The following SLC8A1 variants were observed in gnomAD, a reference collection of about 807,000 sequenced individuals.
SLC8A1 encodes solute carrier family 8 member A1.
In SLC8A1, 18 loss-of-function variants were observed where a neutral mutation model predicts 68.3. That is an observed-to-expected ratio of 0.26 (90% confidence interval 0.18 to 0.39). The LOEUF (loss-of-function observed/expected upper bound fraction) is 0.39, where lower values mean the gene tolerates loss of function less well. Ranked by LOEUF, SLC8A1 falls within the 10% of genes least tolerant of loss-of-function variation. The probability of loss-of-function intolerance (pLI) is 1.00; values close to 1 mark genes in which losing one functional copy is unlikely to be tolerated. For synonymous variants in SLC8A1, 475 were observed against 415.5 expected, an observed-to-expected ratio of 1.14 and a Z score of -1.74; for missense variants, 985 against 1,156.7, an observed-to-expected ratio of 0.85 and a Z score of 2.15.
At chr2:40,166,671 C>G (rs2046600651) in intron 4 of SLC8A1, among the ~76,000 whole-genome samples, 1 of 152,142 alleles carries the variant, frequency 6.6e-6, no homozygotes, top group Non-Finnish European at 1.5e-5. Context: ...TATGTCTAGT[C>G]AAGAGAGGTG....
At chr2:40,259,126 G>GGA (rs1384077559) in intron 2 of SLC8A1, among the ~76,000 whole-genome samples, 7 of 152,112 alleles carry the variant, frequency 4.6e-5, no homozygotes, top group African/African-American at 1.7e-4. Context: ...GTAGATTTCT[G>GGA]GATGGCTCAG....
chr2:40,276,817 C>A (rs890463435), intron 2 of SLC8A1, among the ~76,000 whole-genome samples: 6 of 152,194 alleles, frequency 3.9e-5, no homozygotes, highest in African/African-American at 1.4e-4. Flanking sequence ...CTATACTTGA[C>A]ATTATCCATG....
intron 2 of SLC8A1, among the ~76,000 whole-genome samples, chr2:40,195,310 T>C (rs889809762): frequency 6.6e-6 from 1 of 152,012 alleles, no homozygotes; most frequent in Non-Finnish European, 1.5e-5. Flanking sequence ...CTTTTGGAAC[T>C]GGAGAATAGT....
chr2:40,289,114 C>A (rs1025933103), intron 2 of SLC8A1, among the ~76,000 whole-genome samples: 1 of 149,784 alleles, frequency 6.7e-6, no homozygotes, highest in African/African-American at 2.5e-5. Flanking sequence ...TTTTTTCAGT[C>A]AAATGTATTA....
chr2:40,386,198 A>T (rs4452199), intron 2 of SLC8A1, among the ~76,000 whole-genome samples: 110,088 of 150,744 alleles, frequency 0.73, 41,690 homozygotes, highest in African/African-American at 0.93. Flanking sequence ...CTGTTAGGAA[A>T]TACGTGGAAA....
chr2:40,288,863 G>GA (rs2068780599), intron 2 of SLC8A1, among the ~76,000 whole-genome samples: 1 of 113,172 alleles, frequency 8.8e-6, no homozygotes, highest in Non-Finnish European at 1.6e-5. Context: ...GTATATATAT[G>GA]ATTTTTTTTT....
At chr2:40,239,626 G>C (rs545549449) in intron 2 of SLC8A1, among the ~76,000 whole-genome samples, 4 of 152,266 alleles carry the variant, frequency 2.6e-5, no homozygotes, top group South Asian at 4.1e-4. Context: ...TCTGCTGCCA[G>C]TTACAACTGG....
At chr2:40,362,186 C>T (rs970200154) in intron 2 of SLC8A1, among the ~76,000 whole-genome samples, 18 of 151,478 alleles carry the variant, frequency 1.2e-4, no homozygotes, top group African/African-American at 3.6e-4. Flanking sequence ...TGAGCCACTG[C>T]GCCTGGCCTA....
At chr2:40,253,129 GTA>G (rs1186277169) in intron 2 of SLC8A1, among the ~76,000 whole-genome samples, 1 of 106,210 alleles carries the variant, frequency 9.4e-6, no homozygotes, top group Non-Finnish European at 1.8e-5. Flanking sequence ...ATATATACAC[GTA>G]TATATGTATA....
At chr2:40,422,386 A>C (rs1487472129) in intron 2 of SLC8A1, among the ~76,000 whole-genome samples, 2 of 152,156 alleles carry the variant, frequency 1.3e-5, no homozygotes, top group East Asian at 1.9e-4. Flanking sequence ...AATTTTCCAC[A>C]TCTCAGCTTT....
intron 2 of SLC8A1, among the ~76,000 whole-genome samples, chr2:40,324,438 T>C (rs1218240233): frequency 6.6e-6 from 1 of 152,176 alleles, no homozygotes; most frequent in African/African-American, 2.4e-5. Flanking sequence ...TTTCCTGTTG[T>C]ACACTTAAAC....
intron 2 of SLC8A1, among the ~76,000 whole-genome samples, chr2:40,362,429 A>C (rs2149483179): frequency 6.6e-6 from 1 of 152,286 alleles, no homozygotes; most frequent in Non-Finnish European, 1.5e-5. Context: ...TTGCAAGACA[A>C]ATTACCAACT....
chr2:40,453,718 T>C (rs1174068056), upstream of SLC8A1, among the ~76,000 whole-genome samples: 1 of 152,206 alleles, frequency 6.6e-6, no homozygotes, highest in Non-Finnish European at 1.5e-5. Flanking sequence ...AGGCCAATAC[T>C]CCTCAAACAT....
intron 4 of SLC8A1, among the ~76,000 whole-genome samples, chr2:40,169,101 C>T (rs938046673): frequency 3.3e-5 from 5 of 152,160 alleles, no homozygotes; most frequent in South Asian, 2.1e-4. Context: ...CTGTTTCTAA[C>T]GCTCTCTGGT....
At chr2:40,398,589 T>G (rs1346689988) in intron 2 of SLC8A1, among the ~76,000 whole-genome samples, 1 of 152,104 alleles carries the variant, frequency 6.6e-6, no homozygotes, top group Non-Finnish European at 1.5e-5. Context: ...TATTTTATTT[T>G]TATAAAAATG....
intron 2 of SLC8A1, among the ~76,000 whole-genome samples, chr2:40,187,362 A>C (rs2050887844): frequency 6.6e-6 from 1 of 152,178 alleles, no homozygotes; most frequent in African/African-American, 2.4e-5. Context: ...AAGTAGCTAA[A>C]CCAAAGTAAT....
At chr2:40,333,661 T>TA (rs1289595664) in intron 2 of SLC8A1, among the ~76,000 whole-genome samples, 2 of 152,124 alleles carry the variant, frequency 1.3e-5, no homozygotes, top group Non-Finnish European at 2.9e-5. Context: ...CAAGAATAAA[T>TA]AAAACAATTT....
At chr2:40,469,378 C>T (rs1009014001) in intron 1 of SLC8A1, among the ~76,000 whole-genome samples, 2 of 152,054 alleles carry the variant, frequency 1.3e-5, no homozygotes, top group African/African-American at 4.8e-5. Context: ...CTCTCCCATG[C>T]CACCATGTGA....
chr2:40,168,307 A>G (rs1277177674), intron 4 of SLC8A1, among the ~76,000 whole-genome samples: 1 of 152,116 alleles, frequency 6.6e-6, no homozygotes, highest in African/African-American at 2.4e-5. Context: ...TGAAGCACAT[A>G]TAGAAGATTG....
Sources: allele counts gnomAD v4.1 joint callset (sites outside exome capture counted in the v4.1 genomes callset), GRCh38; gene constraint gnomAD v4.1.1; transcripts MANE v1.5; gene names NCBI Gene and HGNC (gene_info 2026-07-23, HGNC 2026-07-21).